SPPL3: variants seen among roughly 807,000 people sequenced by gnomAD.
SPPL3 encodes the protein signal peptide peptidase like 3.
Under a neutral mutation model 42.4 loss-of-function variants are expected in SPPL3, and 5 were observed. The observed-to-expected ratio is 0.12, with a 90% CI of 0.06 to 0.25. The LOEUF (loss-of-function observed/expected upper bound fraction) is 0.25. Ranked by LOEUF, SPPL3 falls within the 10% of genes least tolerant of loss-of-function variation. The pLI is 1.00. For missense variants in SPPL3, 235 were observed against 489.0 expected (o/e 0.48, Z 4.90); for synonymous variants, 195 against 181.8 (o/e 1.07, Z -0.58).
chr12:120,894,971 A>AAACC (rs1479002887), intron 1 of SPPL3, among the ~76,000 whole-genome samples: 6 of 140,858 alleles, frequency 4.3e-5, no homozygotes, highest in South Asian at 2.3e-4. Context: ...ACAAACAAAC[A>AAACC]AACCTGCTAA....
chr12:120,855,500 C>T lies in SPPL3; in HGVS notation c.24-44614G>A, dbSNP rs138512390. On this transcript the variant is annotated intron_variant, in intron 1 of 10. Coordinates refer to ENST00000353487, the MANE Select transcript of SPPL3 (RefSeq NM_139015.5). Reference sequence around the variant, plus strand: ...GTCACGAGTTCAAGACCAGCCTGGCCAACATGGTGAAACCCCGTATCTACT... The same window carrying T: ...GTCACGAGTTCAAGACCAGCCTGGCTAACATGGTGAAACCCCGTATCTACT... Among the ~76,000 whole-genome samples the T allele has an allele frequency of 4.2e-3, 632 of 152,066 alleles. 2 individuals are homozygous for T. The highest frequency in any genetic ancestry group is 0.017 in the Middle Eastern group (5 of 294).
intron 6 of SPPL3, among the ~76,000 whole-genome samples, chr12:120,780,209 AC>A (rs1349102013): frequency 1.3e-5 from 2 of 150,154 alleles, no homozygotes; most frequent in African/African-American, 2.4e-5. Context: ...GAGCCAATGC[AC>A]TGGCCCCATC....
chr12:120,790,174 TA>T (rs1258587836), intron 3 of SPPL3, among the ~76,000 whole-genome samples: 1 of 152,244 alleles, frequency 6.6e-6, no homozygotes, highest in Non-Finnish European at 1.5e-5. Context: ...GCACTAGTAA[TA>T]ACTACTGGTA....
intron 1 of SPPL3, 115 bp downstream of exon 1, chr12:120,903,730 G>A: frequency 3.5e-6 from 1 of 283,084 alleles, no homozygotes; most frequent in Non-Finnish European, 6.7e-6. Flanking sequence ...ACCCCAACCC[G>A]CGCCCCCCCC....
At chr12:120,871,378 C>T (rs1383680612) in intron 1 of SPPL3, among the ~76,000 whole-genome samples, 1 of 152,088 alleles carries the variant, frequency 6.6e-6, no homozygotes, top group Admixed American at 6.6e-5. Context: ...AAAGTACAAT[C>T]ATCCCTTGGT....
At position 120,850,492 on chromosome 12, in the gene SPPL3, T is replaced by TAAAAAAA. The variant is rs11413210; in HGVS notation, c.24-39613_24-39607dup. Among the ~76,000 whole-genome samples, 26 of 119,392 alleles carry TAAAAAAA rather than the reference T, an allele frequency of 2.2e-4. 1 individual carries two copies. Among genetic ancestry groups the TAAAAAAA allele is most frequent in the South Asian group, 5.4e-4 (2 of 3,708 alleles). The allele number at this position is 119,392 out of a possible 152,430, so 78.3% of individuals were successfully genotyped here. Reference sequence around the variant, plus strand: ...TGGACAACATAGTGAGACCAGCCTTTAAAAAAAAAAAAAAAAAAAAACAAA... The same window carrying TAAAAAAA: ...TGGACAACATAGTGAGACCAGCCTTTAAAAAAAAAAAAAAAAAAAAAAAAAAAACAAA... On this transcript the variant is annotated intron_variant, in intron 1 of 10. Transcript: ENST00000353487.
intron 1 of SPPL3, among the ~76,000 whole-genome samples, chr12:120,865,368 A>G (rs1057076775): frequency 6.6e-6 from 1 of 152,246 alleles, no homozygotes; most frequent in Admixed American, 6.5e-5. Flanking sequence ...GTGGTTTAAG[A>G]GCACAGGCTC....
intron 10 of SPPL3, 124 bp from the exon 11 acceptor site, chr12:120,765,194 G>C (rs1248346959): frequency 8.9e-6 from 7 of 790,790 alleles, no homozygotes; most frequent in Non-Finnish European, 1.2e-5. Flanking sequence ...GGCCAGGCTG[G>C]TCTCAAACTC....
intron 1 of SPPL3, among the ~76,000 whole-genome samples, chr12:120,853,109 C>G (rs954708047): frequency 5.9e-5 from 9 of 151,692 alleles, no homozygotes; most frequent in Non-Finnish European, 1.0e-4. Context: ...GTTGGCCAGG[C>G]TGGTCTTGAA....
chr12:120,787,337 A>G (rs1365664855), intron 3 of SPPL3, among the ~76,000 whole-genome samples: 1 of 152,202 alleles, frequency 6.6e-6, no homozygotes, highest in Non-Finnish European at 1.5e-5. Flanking sequence ...AAGATGTCAG[A>G]TAATTGGGCA....
intron 6 of SPPL3, among the ~76,000 whole-genome samples, chr12:120,779,717 G>A (rs1846882566): frequency 6.7e-6 from 1 of 148,182 alleles, no homozygotes; most frequent in Non-Finnish European, 1.5e-5. Context: ...GCTCACGCCT[G>A]TAATCCCAGC....
At chr12:120,877,447 TG>T (rs1873139535) in intron 1 of SPPL3, among the ~76,000 whole-genome samples, 1 of 152,156 alleles carries the variant, frequency 6.6e-6, no homozygotes, top group Admixed American at 6.5e-5. Context: ...CATGAAAATC[TG>T]TAACAAAATG....
At position 120,866,776 on chromosome 12, in the gene SPPL3, A is replaced by G. The variant is rs1872765335; in HGVS notation, c.23+37069T>C. ...ACTTTTGGCCATCTCCAGTTATGCA[A>G]TAGTATCAAACATGTCACTTCTCAA... is the stretch of plus-strand genomic sequence containing the variant. On this transcript the variant is annotated intron_variant, in intron 1 of 10. Transcript: ENST00000353487. Among the ~76,000 whole-genome samples, 4 of 152,350 alleles carry G rather than the reference A, an allele frequency of 2.6e-5. No individual in the cohort carries two copies. The East Asian group carries it at 5.8e-4, about 22-fold the overall frequency.
At chr12:120,902,386 C>T (rs562508423) in intron 1 of SPPL3, among the ~76,000 whole-genome samples, 1 of 152,180 alleles carries the variant, frequency 6.6e-6, no homozygotes, top group South Asian at 2.1e-4. Flanking sequence ...CACTCAAAGT[C>T]TTCTACCTAA....
At chr12:120,848,276 A>G (rs887082657) in intron 1 of SPPL3, among the ~76,000 whole-genome samples, 6 of 152,218 alleles carry the variant, frequency 3.9e-5, no homozygotes, top group African/African-American at 1.4e-4. Context: ...TCTAATGTAC[A>G]GGATCAGGAT....
intron 2 of SPPL3, among the ~76,000 whole-genome samples, chr12:120,794,327 T>G (rs1870025872): frequency 2.0e-5 from 3 of 152,204 alleles, no homozygotes; most frequent in Non-Finnish European, 1.5e-5. Flanking sequence ...TTTGGCTTTA[T>G]AGTGTGCTTC....
chr12:120,847,173 A>C (rs1257135269), intron 1 of SPPL3, among the ~76,000 whole-genome samples: 1 of 152,216 alleles, frequency 6.6e-6, no homozygotes, highest in East Asian at 1.9e-4. Flanking sequence ...AATTCAAACA[A>C]AATAAACCAG....
chr12:120,769,268 C>A (rs1387418011), intron 6 of SPPL3: 3 of 484,534 alleles, frequency 6.2e-6, no homozygotes, highest in African/African-American at 2.0e-5. Context: ...TGATTGCTTT[C>A]CTCCTCCTAG....
intron 1 of SPPL3, among the ~76,000 whole-genome samples, chr12:120,888,506 T>C (rs1873534197): frequency 1.3e-5 from 2 of 152,186 alleles, no homozygotes; most frequent in African/African-American, 4.8e-5. Flanking sequence ...TGACACATGC[T>C]ACAACATGGA....
Sources: allele counts gnomAD v4.1 joint callset (sites outside exome capture counted in the v4.1 genomes callset), GRCh38; gene constraint gnomAD v4.1.1; transcripts MANE v1.5; gene names NCBI Gene and HGNC (gene_info 2026-07-23, HGNC 2026-07-21).